Variants in NCAM1 observed in about 807,000 individuals in gnomAD.
The protein encoded by NCAM1 is antigen recognized by monoclonal antibody 5.1H11.
NCAM1 carries 14 observed loss-of-function variants against 109.8 expected under a neutral mutation model. That is an observed-to-expected ratio of 0.13 (90% CI 0.08 to 0.20). NCAM1 has a LOEUF of 0.20. Among genes scored for constraint, NCAM1 ranks in the 10% least tolerant of loss-of-function variants. The pLI, the probability that NCAM1 is intolerant of heterozygous loss-of-function variation, is 1.00. For synonymous variants in NCAM1, 418 were observed against 442.9 expected (o/e 0.94, Z 0.70); for missense variants, 774 against 1,109.9 (o/e 0.70, Z 4.30).
chr11:113,146,635 C>T (rs1425402037), intron 1 of NCAM1, among the ~76,000 whole-genome samples: 4 of 152,164 alleles, frequency 2.6e-5, no homozygotes, highest in African/African-American at 9.7e-5. Flanking sequence ...TGTCTATATT[C>T]CAATGGAATT....
chr11:113,171,477 C>CA (rs1328854616), intron 1 of NCAM1, among the ~76,000 whole-genome samples: 1 of 151,976 alleles, frequency 6.6e-6, no homozygotes, highest in Non-Finnish European at 1.5e-5. Context: ...ACTAAAAATA[C>CA]AAAAAATTAG....
At chr11:113,165,299 A>G (rs1391375973) in intron 1 of NCAM1, among the ~76,000 whole-genome samples, 4 of 152,172 alleles carry the variant, frequency 2.6e-5, no homozygotes, top group African/African-American at 7.2e-5. Flanking sequence ...GAAAAGGCCA[A>G]TCGCTTTCTG....
At chr11:113,074,446 TA>T (rs1555085765) in intron 1 of NCAM1, among the ~76,000 whole-genome samples, 1 of 152,160 alleles carries the variant, frequency 6.6e-6, no homozygotes, top group Non-Finnish European at 1.5e-5. Flanking sequence ...TGCCTAAAAT[TA>T]AAATCTTGGG....
chr11:113,120,771 C>G (rs1427055212), intron 1 of NCAM1, among the ~76,000 whole-genome samples: 1 of 152,128 alleles, frequency 6.6e-6, no homozygotes, highest in African/African-American at 2.4e-5. Flanking sequence ...ATACAAAATA[C>G]GAAAACTCGA....
chr11:112,974,646 C>T (rs1555067375), intron 1 of NCAM1, among the ~76,000 whole-genome samples: 1 of 151,946 alleles, frequency 6.6e-6, no homozygotes, highest in East Asian at 1.9e-4. Flanking sequence ...TCATTTAATT[C>T]TCCTATTTTC....
At chr11:113,152,066 GAA>G (rs1286047761) in intron 1 of NCAM1, among the ~76,000 whole-genome samples, 2 of 152,228 alleles carry the variant, frequency 1.3e-5, no homozygotes, top group African/African-American at 4.8e-5. Context: ...GTGGGTTCCA[GAA>G]AAATATAAGA....
chr11:113,052,513 C>T (rs1383852483), intron 1 of NCAM1, among the ~76,000 whole-genome samples: 2 of 152,006 alleles, frequency 1.3e-5, no homozygotes, highest in Admixed American at 1.3e-4. Context: ...ATGGGGAAAC[C>T]ATGAGTACAT....
At chr11:113,093,614 G>A (rs1409071708) in intron 1 of NCAM1, among the ~76,000 whole-genome samples, 4 of 152,192 alleles carry the variant, frequency 2.6e-5, no homozygotes, top group South Asian at 2.1e-4. Flanking sequence ...GAAAGTTTAC[G>A]AACGCCCCAT....
intron 1 of NCAM1, among the ~76,000 whole-genome samples, chr11:113,120,754 A>G (rs1310521924): frequency 1.3e-5 from 2 of 152,250 alleles, no homozygotes; most frequent in South Asian, 4.1e-4. Flanking sequence ...ATATGTGCAC[A>G]GGAATCATAC....
intron 1 of NCAM1, among the ~76,000 whole-genome samples, chr11:113,068,842 T>A (rs1938113061): frequency 6.6e-6 from 1 of 152,174 alleles, no homozygotes; most frequent in African/African-American, 2.4e-5. Flanking sequence ...TATTATCTAG[T>A]ACCCCTTAAA....
At chr11:113,030,063 T>TA (rs35017949) in intron 1 of NCAM1, among the ~76,000 whole-genome samples, 44 of 151,890 alleles carry the variant, frequency 2.9e-4, no homozygotes, top group East Asian at 1.7e-3. Context: ...CTTTATTTGA[T>TA]AAAAAAAAGG....
intron 14 of NCAM1, chr11:113,235,451 G>C: frequency 1.5e-6 from 1 of 680,218 alleles, no homozygotes; most frequent in Non-Finnish European, 2.7e-6. Context: ...ATTAAAGGAA[G>C]TGGGGAGAAA....
intron 1 of NCAM1, among the ~76,000 whole-genome samples, chr11:113,190,718 G>T (rs1454820782): frequency 6.6e-6 from 1 of 152,162 alleles, no homozygotes; most frequent in Non-Finnish European, 1.5e-5. Context: ...ATTTTCTTCT[G>T]CTCTACCTCC....
intron 16 of NCAM1, 61 bp from the exon 17 acceptor site, chr11:113,260,081 TACCA>T: frequency 6.8e-7 from 1 of 1,473,154 alleles, no homozygotes; most frequent in Non-Finnish European, 9.2e-7. Flanking sequence ...TGTCTGGTCT[TACCA>T]GTACTTTTAT....
At chr11:113,166,917 A>G (rs1160353444) in intron 1 of NCAM1, among the ~76,000 whole-genome samples, 2 of 152,260 alleles carry the variant, frequency 1.3e-5, no homozygotes, top group Admixed American at 1.3e-4. Flanking sequence ...GTCAAATTTC[A>G]GATTCAAAAC....
At chr11:112,987,195 G>A (rs757581455) in intron 1 of NCAM1, among the ~76,000 whole-genome samples, 3 of 151,976 alleles carry the variant, frequency 2.0e-5, no homozygotes, top group Non-Finnish European at 4.4e-5. Context: ...ATATTTTTGT[G>A]AATTTTTCAA....
intron 8 of NCAM1, among the ~76,000 whole-genome samples, chr11:113,215,311 G>A (rs782229654): frequency 3.9e-5 from 6 of 152,220 alleles, no homozygotes; most frequent in African/African-American, 1.4e-4. Flanking sequence ...AACTTAAACC[G>A]TCTTATGGTA....
chr11:112,971,278 T>C (rs1296377120), intron 1 of NCAM1, among the ~76,000 whole-genome samples: 2 of 152,022 alleles, frequency 1.3e-5, no homozygotes, highest in Admixed American at 6.6e-5. Context: ...CTCTGTGTAA[T>C]ATGTAACTTG....
intron 1 of NCAM1, among the ~76,000 whole-genome samples, chr11:113,094,512 T>C (rs1939503461): frequency 6.6e-6 from 1 of 152,212 alleles, no homozygotes; most frequent in African/African-American, 2.4e-5. Context: ...TGTGAAACCT[T>C]AAGGCTTTTC....
Sources: allele counts gnomAD v4.1 joint callset (sites outside exome capture counted in the v4.1 genomes callset), GRCh38; gene constraint gnomAD v4.1.1; transcripts MANE v1.5; gene names NCBI Gene and HGNC (gene_info 2026-07-23, HGNC 2026-07-21).